The following DPYD variants were observed in gnomAD, a reference collection of about 807,000 sequenced individuals.
DPYD encodes dihydropyrimidine dehydrogenase, also known as dihydropyrimidine dehydrogenase [NADP(+)].
In DPYD, 109 loss-of-function variants were observed where a neutral mutation model predicts 116.2. The ratio of observed to expected loss-of-function variants is 0.94; its 90% CI spans 0.80 to 1.10. The LOEUF is 1.10. Among genes scored for constraint, DPYD ranks in the 50% least tolerant of loss-of-function variants. DPYD has a pLI of 0.00. For missense variants in DPYD, 1,302 were observed against 1,254.5 expected, an observed-to-expected ratio of 1.04 and a Z score of -0.57; for synonymous variants, 440 against 432.0, an observed-to-expected ratio of 1.02 and a Z score of -0.23.
chr1:97,202,180 G>A (rs1446321636), intron 19 of DPYD, among the ~76,000 whole-genome samples: 1 of 152,098 alleles, frequency 6.6e-6, no homozygotes, highest in East Asian at 1.9e-4. Context: ...CAGAAAAATT[G>A]CCGAAATGGA....
chr1:97,361,233 A>T (rs185564029), intron 16 of DPYD, among the ~76,000 whole-genome samples: 11 of 152,278 alleles, frequency 7.2e-5, no homozygotes, highest in African/African-American at 2.6e-4. Flanking sequence ...GGACACATAC[A>T]CCCTCTCAAG....
intron 18 of DPYD, among the ~76,000 whole-genome samples, chr1:97,248,642 G>A (rs1262305109): frequency 1.3e-5 from 2 of 152,154 alleles, no homozygotes; most frequent in Middle Eastern, 3.4e-3. Flanking sequence ...GTGTACACAG[G>A]AAAATCTGAA....
intron 7 of DPYD, among the ~76,000 whole-genome samples, chr1:97,684,344 G>C (rs2100930380): frequency 6.6e-6 from 1 of 152,232 alleles, no homozygotes; most frequent in South Asian, 2.1e-4. Context: ...GTGGTTCTGA[G>C]TGAGTTTCTT....
intron 12 of DPYD, among the ~76,000 whole-genome samples, chr1:97,532,200 C>A (rs1193187292): frequency 6.6e-6 from 1 of 152,100 alleles, no homozygotes. Context: ...ACCATCTTTG[C>A]ATCCTAGGAA....
chr1:97,594,970 C>G, intron 9 of DPYD, 89 bp downstream of exon 9: 1 of 946,540 alleles, frequency 1.1e-6, no homozygotes, highest in Non-Finnish European at 1.6e-6. Context: ...GAGAGCTGAA[C>G]AATGTGCTGC....
chr1:97,846,264 C>T (rs1670296953), intron 2 of DPYD, among the ~76,000 whole-genome samples: 1 of 152,080 alleles, frequency 6.6e-6, no homozygotes, highest in South Asian at 2.1e-4. Flanking sequence ...TTCCCCATAC[C>T]TTGCTCTATG....
intron 12 of DPYD, among the ~76,000 whole-genome samples, chr1:97,525,674 T>C (rs973941557): frequency 2.6e-5 from 4 of 151,976 alleles, no homozygotes; most frequent in Non-Finnish European, 4.4e-5. Flanking sequence ...TAGAGTGGCA[T>C]TGAAGCTCTG....
chr1:97,337,689 G>A (rs1364244828), intron 16 of DPYD, among the ~76,000 whole-genome samples: 7 of 150,394 alleles, frequency 4.7e-5, no homozygotes, highest in African/African-American at 1.7e-4. Context: ...TTTCCAGTTA[G>A]GAGATTGTCT....
chr1:97,583,061 C>T (rs777211137), intron 10 of DPYD, among the ~76,000 whole-genome samples: 10 of 152,052 alleles, frequency 6.6e-5, no homozygotes, highest in African/African-American at 1.9e-4. Flanking sequence ...CTCTGCCTCC[C>T]GGGTTCACGC....
chr1:97,576,316 T>C (rs181962409), intron 10 of DPYD, among the ~76,000 whole-genome samples: 109 of 152,290 alleles, frequency 7.2e-4, no homozygotes, highest in African/African-American at 2.5e-3. Flanking sequence ...ATATACAATG[T>C]GTACCTGTAA....
intron 2 of DPYD, among the ~76,000 whole-genome samples, chr1:97,858,545 A>T (rs1008523225): frequency 6.6e-6 from 1 of 152,118 alleles, no homozygotes; most frequent in Non-Finnish European, 1.5e-5. Context: ...TTCCTGTTTG[A>T]CTAGTCCCAT....
At chr1:97,906,429 G>A (rs547207523) in intron 1 of DPYD, among the ~76,000 whole-genome samples, 1 of 152,058 alleles carries the variant, frequency 6.6e-6, no homozygotes, top group African/African-American at 2.4e-5. Flanking sequence ...CTTCTGTTCT[G>A]TATCAAAAGC....
intron 20 of DPYD, among the ~76,000 whole-genome samples, chr1:97,099,024 C>T (rs1046596208): frequency 2.6e-5 from 4 of 152,024 alleles, no homozygotes; most frequent in African/African-American, 9.7e-5. Flanking sequence ...TCCCCTTCAT[C>T]AGGTTTTTAG....
intron 12 of DPYD, among the ~76,000 whole-genome samples, chr1:97,529,094 T>A (rs1307555547): frequency 6.6e-6 from 1 of 152,176 alleles, no homozygotes; most frequent in African/African-American, 2.4e-5. Flanking sequence ...CTTGCTATTT[T>A]CTCTTTCTGA....
At chr1:97,369,833 T>C (rs1450393197) in intron 16 of DPYD, among the ~76,000 whole-genome samples, 1 of 152,178 alleles carries the variant, frequency 6.6e-6, no homozygotes. Context: ...TAACCAATCA[T>C]AGCCTTTTTG....
At chr1:97,421,316 A>T (rs1165402001) in intron 14 of DPYD, among the ~76,000 whole-genome samples, 1 of 152,166 alleles carries the variant, frequency 6.6e-6, no homozygotes, top group African/African-American at 2.4e-5. Context: ...ATCACCAAGG[A>T]TCTTACTTCC....
chr1:97,559,279 G>A (rs1300318347), intron 11 of DPYD, among the ~76,000 whole-genome samples: 5 of 151,868 alleles, frequency 3.3e-5, no homozygotes, highest in African/African-American at 1.2e-4. Context: ...GCATTTAACG[G>A]AAAAATAAAA....
intron 13 of DPYD, among the ~76,000 whole-genome samples, chr1:97,472,566 C>T (rs547969262): frequency 4.5e-4 from 69 of 152,228 alleles, no homozygotes; most frequent in Non-Finnish European, 7.1e-4. Context: ...ACATATTAGC[C>T]AGGGCACTAA....
chr1:97,525,357 T>A (rs1557772381), intron 12 of DPYD, among the ~76,000 whole-genome samples: 1 of 151,894 alleles, frequency 6.6e-6, no homozygotes, highest in Admixed American at 6.6e-5. Context: ...GTATAGCTGA[T>A]GAAAACAGAA....
Sources: gnomAD v4.1 joint callset for allele counts (sites outside exome capture counted in the v4.1 genomes callset) on GRCh38, gnomAD v4.1.1 for gene constraint, MANE v1.5 for transcripts, NCBI Gene and HGNC (gene_info 2026-07-23, HGNC 2026-07-21) for gene names.